Variants in FANCB observed in about 807,000 individuals in gnomAD.
FANCB encodes the protein Fanconi anemia group B protein.
Under a neutral mutation model 38.9 loss-of-function variants are expected in FANCB, and 5 were observed. That is an observed-to-expected ratio of 0.13 (90% CI 0.07 to 0.27). The LOEUF (loss-of-function observed/expected upper bound fraction) is 0.27, where lower values mean the gene tolerates loss of function less well. Among genes scored for constraint, FANCB ranks in the 10% least tolerant of loss-of-function variants. The pLI, the probability that FANCB is intolerant of heterozygous loss-of-function variation, is 1.00. For missense variants in FANCB, 573 were observed against 602.7 expected (o/e 0.95, Z 0.52); for synonymous variants, 236 against 215.4 (o/e 1.10, Z -0.84).
At chrX:14,815,513 A>G in the FANCB span, among the ~76,000 whole-genome samples, 2 of 112,817 alleles carry the variant, frequency 1.8e-5, no homozygotes, top group South Asian at 3.6e-4. Flanking sequence ...AAGTCACAAA[A>G]TAACAGATGT....
the FANCB span, among the ~76,000 whole-genome samples, chrX:14,716,513 T>A: frequency 1.8e-5 from 2 of 111,728 alleles, no homozygotes; most frequent in African/African-American, 6.5e-5. Flanking sequence ...AAGAGAGAGT[T>A]ATCTGCCAGG....
chrX:14,856,939 G>A (rs906359413), intron 5 of FANCB, among the ~76,000 whole-genome samples: 4 of 112,198 alleles, frequency 3.6e-5, no homozygotes, highest in African/African-American at 1.3e-4. Flanking sequence ...TAGCAAATAA[G>A]ATTAAGGGAT....
chrX:14,809,404 G>A, the FANCB span, among the ~76,000 whole-genome samples: 3 of 112,514 alleles, frequency 2.7e-5, no homozygotes, highest in Non-Finnish European at 5.6e-5. Context: ...AGCGCAAGGG[G>A]TCAGGGAGTT....
chrX:14,772,941 G>A, the FANCB span, among the ~76,000 whole-genome samples: 1 of 111,376 alleles, frequency 9.0e-6, no homozygotes, highest in Non-Finnish European at 1.9e-5. Context: ...GCTCCATGCT[G>A]CTCCCGGGTG....
chrX:14,741,744 C>T, the FANCB span, among the ~76,000 whole-genome samples: 2 of 111,484 alleles, frequency 1.8e-5, no homozygotes, highest in Non-Finnish European at 3.8e-5. Context: ...AGCACAAGTC[C>T]GAAATTTAGC....
intron 6 of FANCB, among the ~76,000 whole-genome samples, chrX:14,851,320 G>A (rs760979894): frequency 7.2e-5 from 8 of 111,774 alleles, no homozygotes; most frequent in Non-Finnish European, 1.1e-4. Flanking sequence ...TAGGTCTGTG[G>A]TATTATCATC....
chrX:14,720,692 T>C, the FANCB span, among the ~76,000 whole-genome samples: 1 of 112,009 alleles, frequency 8.9e-6, no homozygotes, highest in Non-Finnish European at 1.9e-5. Flanking sequence ...AACATCTTTC[T>C]TTTTCTATAA....
chrX:14,760,574 C>T, the FANCB span, among the ~76,000 whole-genome samples: 1 of 111,991 alleles, frequency 8.9e-6, no homozygotes, highest in African/African-American at 3.3e-5. Context: ...GCTAAATGCA[C>T]TGATTTGATC....
the FANCB span, among the ~76,000 whole-genome samples, chrX:14,809,840 G>T: frequency 1.8e-5 from 2 of 112,492 alleles, no homozygotes; most frequent in African/African-American, 3.2e-5. Flanking sequence ...GGTTCTCCCA[G>T]CACGCAGCTG....
the FANCB span, among the ~76,000 whole-genome samples, chrX:14,801,630 G>A: frequency 1.8e-5 from 2 of 111,488 alleles, no homozygotes; most frequent in Admixed American, 9.5e-5. Flanking sequence ...TGATTTTACC[G>A]TGTGTGCATG....
chrX:14,842,405 T>C (rs930250216), downstream of FANCB, among the ~76,000 whole-genome samples: 1 of 112,087 alleles, frequency 8.9e-6, no homozygotes. Flanking sequence ...GATGCCACAT[T>C]CTATAATCAT....
At chrX:14,689,579 T>C in the FANCB span, among the ~76,000 whole-genome samples, 5 of 112,087 alleles carry the variant, frequency 4.5e-5, no homozygotes, top group African/African-American at 1.6e-4. Context: ...TGGATAATAA[T>C]TTCATCCCTC....
the FANCB span, among the ~76,000 whole-genome samples, chrX:14,727,588 T>G: frequency 8.9e-6 from 1 of 112,354 alleles, no homozygotes; most frequent in African/African-American, 3.2e-5. Flanking sequence ...CAGATAGTTA[T>G]GAGGACACTG....
At chrX:14,796,485 CAT>C in the FANCB span, among the ~76,000 whole-genome samples, 1 of 93,097 alleles carries the variant, frequency 1.1e-5, no homozygotes, top group African/African-American at 4.0e-5. Context: ...ATATATATAA[CAT>C]ATATTATATA....
At chrX:14,690,863 T>A in the FANCB span, 5 of 1,208,649 alleles carry the variant, frequency 4.1e-6, no homozygotes, top group South Asian at 7.0e-5. Flanking sequence ...GAATAAGGTA[T>A]GATTGCCCCT....
At chrX:14,749,846 C>T in the FANCB span, among the ~76,000 whole-genome samples, 10 of 111,838 alleles carry the variant, frequency 8.9e-5, no homozygotes, top group Non-Finnish European at 1.3e-4. Context: ...AGCTGCCTGT[C>T]CTATGTCACA....
chrX:14,781,611 G>T, the FANCB span, among the ~76,000 whole-genome samples: 1 of 110,802 alleles, frequency 9.0e-6, no homozygotes, highest in Non-Finnish European at 1.9e-5. Flanking sequence ...CTCTGCTTTG[G>T]CAAAAGCCCC....
At chrX:14,778,933 C>G in the FANCB span, among the ~76,000 whole-genome samples, 1 of 112,302 alleles carries the variant, frequency 8.9e-6, no homozygotes, top group Non-Finnish European at 1.9e-5. Flanking sequence ...TAACCTGTGA[C>G]TTTGTTCAGA....
At chrX:14,730,394 G>C in the FANCB span, 1 of 1,204,900 alleles carries the variant, frequency 8.3e-7, no homozygotes, top group Non-Finnish European at 1.1e-6. Flanking sequence ...ACGATATCTC[G>C]AGCTGCCTTC....
Sources: allele counts gnomAD v4.1 joint callset (sites outside exome capture counted in the v4.1 genomes callset), GRCh38; gene constraint gnomAD v4.1.1; transcripts MANE v1.5; gene names NCBI Gene and HGNC (gene_info 2026-07-23, HGNC 2026-07-21).